The following SNTG1 variants were observed in gnomAD, a reference collection of about 807,000 sequenced individuals.
SNTG1 encodes gamma-1-syntrophin.
A neutral mutation model predicts 74.7 loss-of-function variants in SNTG1; 39 were observed. That is an observed-to-expected ratio of 0.52 (90% CI 0.40 to 0.68). SNTG1 has a LOEUF of 0.68. SNTG1 is among the 30% of genes least tolerant of loss of function. The pLI is 0.00. For synonymous variants in SNTG1, 254 were observed against 217.1 expected (o/e 1.17, Z -1.49); for missense variants, 685 against 609.5 (o/e 1.12, Z -1.30).
chr8:50,168,625 T>C (rs985480135), intron 1 of SNTG1, among the ~76,000 whole-genome samples: 6 of 152,188 alleles, frequency 3.9e-5, no homozygotes, highest in African/African-American at 1.4e-4. Context: ...AATCTGTGAA[T>C]CTATTACCCA....
Position 50,704,659 on chromosome 8 carries a change from G to A in SNTG1, c.1098G>A (p.Glu366=). The change falls in exon 16 of 19, where the codon GAG becomes GAA. Residue 366 remains glutamate, a synonymous_variant. Transcript: ENST00000642720. ...TCACCGTGCAGTCTGAGTCTGGGGA[G>A]GACCTGTACTTCTCAGTGGAGCTGG... The part of the protein sequence containing the change: ...QCFTVQSESG[E]DLYFSVELES... 1 of 1,614,092 alleles carries A rather than the reference G, an allele frequency of 6.2e-7. No homozygotes were observed. The highest frequency in any genetic ancestry group is 2.2e-5 in the East Asian group (1 of 44,852).
intron 2 of SNTG1, among the ~76,000 whole-genome samples, chr8:50,219,052 G>A (rs1586736114): frequency 6.6e-6 from 1 of 152,272 alleles, no homozygotes; most frequent in South Asian, 2.1e-4. Context: ...ATTTTCTCTA[G>A]GAAAGAACTA....
chr8:50,091,148 G>A (rs2079720217), intron 1 of SNTG1, among the ~76,000 whole-genome samples: 1 of 151,908 alleles, frequency 6.6e-6, no homozygotes, highest in African/African-American at 2.4e-5. Context: ...GAGAAAATGA[G>A]ATTATCTATT....
intron 1 of SNTG1, among the ~76,000 whole-genome samples, chr8:50,062,945 C>T (rs203953): frequency 0.71 from 107,420 of 152,168 alleles, 41,732 homozygotes; most frequent in East Asian, 0.88. Flanking sequence ...ACTTGATTGA[C>T]CACAGACATA....
intron 2 of SNTG1, among the ~76,000 whole-genome samples, chr8:50,329,500 G>A (rs1013085822): frequency 1.3e-5 from 2 of 152,070 alleles, no homozygotes; most frequent in African/African-American, 4.8e-5. Context: ...CCACGTAGAA[G>A]CTTCCAAGAT....
Position 50,053,491 on chromosome 8 carries a change from A to T in SNTG1, c.-102-119070A>T, listed in dbSNP as rs2157736. ...TAAGTAAAATATTTTAAAAGTAGACAGTAGTGATGATTTTGCTATCCTGGA... is the reference window on the plus strand; with the variant it reads ...TAAGTAAAATATTTTAAAAGTAGACTGTAGTGATGATTTTGCTATCCTGGA... On this transcript the variant is annotated intron_variant, in intron 1 of 18. Transcript: ENST00000642720. 3.6e-4 allele frequency among the ~76,000 whole-genome samples: 55 copies of T among 151,986 alleles called. 1 individual carries two copies. In the South Asian group the frequency reaches 0.011, roughly 31 times the overall value.
intron 4 of SNTG1, among the ~76,000 whole-genome samples, chr8:50,428,009 A>C (rs1563372508): frequency 6.6e-6 from 1 of 152,188 alleles, no homozygotes; most frequent in Non-Finnish European, 1.5e-5. Flanking sequence ...TTACCATCTA[A>C]ATAAGTGTTA....
rs182599498 is a variant in SNTG1, at chr8:50,335,326, C to T, written c.-27-58886C>T. On this transcript the variant is annotated intron_variant, in intron 2 of 18. Coordinates refer to ENST00000642720, the MANE Select transcript of SNTG1 (RefSeq NM_018967.5). ...AGTCTGAGCATACAACATGGCTCAA[C>T]AGCATCCACTGCTTTGCTTATCGGA... is the stretch of plus-strand genomic sequence containing the variant. Among the ~76,000 whole-genome samples the T allele has an allele frequency of 1.6e-3, 238 of 152,334 alleles. 2 individuals are homozygous for T. The highest frequency in any genetic ancestry group is 0.01 in the Middle Eastern group (3 of 294).
At chr8:50,339,701 C>A (rs554556255) in intron 2 of SNTG1, among the ~76,000 whole-genome samples, 1 of 151,532 alleles carries the variant, frequency 6.6e-6, no homozygotes, top group Non-Finnish European at 1.5e-5. Context: ...CAATTACAAC[C>A]TGAGAAGGCA....
intron 1 of SNTG1, among the ~76,000 whole-genome samples, chr8:50,163,279 G>T (rs2082488617): frequency 6.6e-6 from 1 of 152,060 alleles, no homozygotes; most frequent in East Asian, 1.9e-4. Context: ...TTTAAATTTT[G>T]AAAACTGTCT....
chr8:50,619,182 T>C (rs998647355), intron 13 of SNTG1, among the ~76,000 whole-genome samples: 2 of 152,312 alleles, frequency 1.3e-5, no homozygotes, highest in African/African-American at 4.8e-5. Context: ...TCATGGCAGA[T>C]GAAAATGTTC....
chr8:50,679,962 C>T (rs1276168417), intron 15 of SNTG1, among the ~76,000 whole-genome samples: 1 of 152,088 alleles, frequency 6.6e-6, no homozygotes, highest in Non-Finnish European at 1.5e-5. Context: ...TGTATTTGGG[C>T]AAGGGGACCT....
At chr8:50,387,433 G>C (rs938840904) in intron 2 of SNTG1, among the ~76,000 whole-genome samples, 3 of 152,062 alleles carry the variant, frequency 2.0e-5, no homozygotes, top group African/African-American at 7.2e-5. Flanking sequence ...TAAGTCATCT[G>C]TTAACTTCCT....
At chr8:49,976,926 C>A (rs1385659633) in intron 1 of SNTG1, among the ~76,000 whole-genome samples, 1 of 152,126 alleles carries the variant, frequency 6.6e-6, no homozygotes, top group Non-Finnish European at 1.5e-5. Context: ...GAAAGCAGCT[C>A]AGAGACTGGA....
At chr8:50,120,057 T>A (rs1413933940) in intron 1 of SNTG1, among the ~76,000 whole-genome samples, 2 of 141,964 alleles carry the variant, frequency 1.4e-5, no homozygotes, top group Admixed American at 1.5e-4. Flanking sequence ...GAGTTAAAAA[T>A]GTAGCTTTGC....
At chr8:50,167,012 T>A (rs1168292496) in intron 1 of SNTG1, among the ~76,000 whole-genome samples, 1 of 142,402 alleles carries the variant, frequency 7.0e-6, no homozygotes, top group Non-Finnish European at 1.5e-5. Context: ...CTCAGTAAAC[T>A]ATCGCAAGAA....
At chr8:50,446,030 C>T (rs952355035) in intron 5 of SNTG1, among the ~76,000 whole-genome samples, 3 of 152,178 alleles carry the variant, frequency 2.0e-5, no homozygotes, top group Non-Finnish European at 4.4e-5. Context: ...TGCATGCTGA[C>T]ATCCTTCAGG....
chr8:50,050,171 GA>G (rs957378825), intron 1 of SNTG1, among the ~76,000 whole-genome samples: 5 of 151,124 alleles, frequency 3.3e-5, no homozygotes, highest in Admixed American at 2.6e-4. Flanking sequence ...CTGGCTCTTT[GA>G]AAAAAAATCA....
chr8:50,054,859 T>C (rs1563529041), intron 1 of SNTG1, among the ~76,000 whole-genome samples: 1 of 152,080 alleles, frequency 6.6e-6, no homozygotes, highest in African/African-American at 2.4e-5. Context: ...TTATTTATTG[T>C]AGAAATGGGG....
Sources: allele counts gnomAD v4.1 joint callset (sites outside exome capture counted in the v4.1 genomes callset), GRCh38; gene constraint gnomAD v4.1.1; transcripts MANE v1.5; gene names NCBI Gene and HGNC (gene_info 2026-07-23, HGNC 2026-07-21).